Variants in GABRG3 observed in about 807,000 individuals in gnomAD.
GABRG3 encodes gamma-aminobutyric acid receptor subunit gamma-3.
A neutral mutation model predicts 48.8 loss-of-function variants in GABRG3; 25 were observed. The ratio of observed to expected loss-of-function variants is 0.51; its 90% CI spans 0.37 to 0.72. GABRG3 has a LOEUF of 0.72. GABRG3 is among the 30% of genes least tolerant of loss of function. The probability of loss-of-function intolerance (pLI) is 0.00; values close to 1 mark genes in which losing one functional copy is unlikely to be tolerated. For missense variants in GABRG3, 394 were observed against 577.9 expected (o/e 0.68, Z 3.26); for synonymous variants, 227 against 217.6 (o/e 1.04, Z -0.38).
chr15:26,980,628 G>A (rs1895034949), intron 2 of GABRG3, among the ~76,000 whole-genome samples: 1 of 148,922 alleles, frequency 6.7e-6, no homozygotes, highest in African/African-American at 2.5e-5. Context: ...GCAGTGAGCT[G>A]AGATGGCGCC....
intron 3 of GABRG3, among the ~76,000 whole-genome samples, chr15:27,125,322 G>A (rs1433656825): frequency 6.6e-6 from 1 of 151,986 alleles, no homozygotes; most frequent in Non-Finnish European, 1.5e-5. Flanking sequence ...GCAGAGAGGA[G>A]AATAGAGGTT....
chr15:27,517,938 A>G (rs1024425555), intron 6 of GABRG3, among the ~76,000 whole-genome samples: 3 of 152,154 alleles, frequency 2.0e-5, no homozygotes, highest in Non-Finnish European at 4.4e-5. Flanking sequence ...TGATGTTTCT[A>G]TCAACAACTC....
At chr15:27,163,913 A>G (rs577101635) in intron 3 of GABRG3, among the ~76,000 whole-genome samples, 2 of 152,298 alleles carry the variant, frequency 1.3e-5, no homozygotes. Context: ...AGGGGCTGTG[A>G]GAGCCTGTGA....
At chr15:27,240,825 A>G (rs1343107436) in intron 3 of GABRG3, among the ~76,000 whole-genome samples, 1 of 152,226 alleles carries the variant, frequency 6.6e-6, no homozygotes, top group Non-Finnish European at 1.5e-5. Flanking sequence ...TCAACACTTA[A>G]CTGAACGTGA....
intron 2 of GABRG3, among the ~76,000 whole-genome samples, chr15:26,991,306 T>C (rs1895243418): frequency 6.6e-6 from 1 of 152,212 alleles, no homozygotes; most frequent in Non-Finnish European, 1.5e-5. Context: ...ACTGCCATGC[T>C]GTTTTTGTTA....
At chr15:27,321,470 A>C (rs1893423714) in intron 3 of GABRG3, among the ~76,000 whole-genome samples, 3 of 152,220 alleles carry the variant, frequency 2.0e-5, no homozygotes, top group Non-Finnish European at 4.4e-5. Context: ...AAACAAAAAA[A>C]CATATATTTG....
At chr15:27,464,090 T>C (rs537522623) in intron 5 of GABRG3, among the ~76,000 whole-genome samples, 11 of 152,284 alleles carry the variant, frequency 7.2e-5, no homozygotes, top group African/African-American at 2.6e-4. Flanking sequence ...GACTGCTTTA[T>C]TGAGATATAT....
chr15:27,397,801 A>ATT (rs1566823235), intron 5 of GABRG3, among the ~76,000 whole-genome samples: 6 of 138,420 alleles, frequency 4.3e-5, no homozygotes, highest in Admixed American at 8.5e-5. Flanking sequence ...TTCTCTGAAA[A>ATT]ATTTTTTTTT....
intron 5 of GABRG3, among the ~76,000 whole-genome samples, chr15:27,376,772 G>A (rs1895611367): frequency 6.6e-6 from 1 of 152,154 alleles, no homozygotes; most frequent in Non-Finnish European, 1.5e-5. Context: ...TATCATGGGA[G>A]GGGCTGTTTC....
chr15:27,002,948 G>C (rs1895481314), intron 2 of GABRG3, among the ~76,000 whole-genome samples: 1 of 151,630 alleles, frequency 6.6e-6, no homozygotes, highest in Non-Finnish European at 1.5e-5. Flanking sequence ...CTGGGTAACA[G>C]AATGAGACCC....
intron 3 of GABRG3, among the ~76,000 whole-genome samples, chr15:27,191,624 G>A (rs1467330283): frequency 6.6e-6 from 1 of 152,112 alleles, no homozygotes; most frequent in Non-Finnish European, 1.5e-5. Context: ...GTCTCTGCAT[G>A]TGAGATGGGT....
chr15:27,086,076 C>T (rs1321847490), intron 3 of GABRG3, among the ~76,000 whole-genome samples: 3 of 150,502 alleles, frequency 2.0e-5, no homozygotes, highest in Non-Finnish European at 1.5e-5. Context: ...TTAAATATTA[C>T]ATACAGTTTA....
intron 3 of GABRG3, among the ~76,000 whole-genome samples, chr15:27,052,240 G>A (rs1029868386): frequency 1.3e-5 from 2 of 152,166 alleles, no homozygotes; most frequent in Non-Finnish European, 2.9e-5. Context: ...GTCTGTCTTT[G>A]TCTCTTGAGA....
intron 5 of GABRG3, among the ~76,000 whole-genome samples, chr15:27,444,448 T>G (rs924480255): frequency 6.6e-6 from 1 of 152,186 alleles, no homozygotes; most frequent in African/African-American, 2.4e-5. Context: ...TGGGTACACA[T>G]GCTTTATTTT....
At chr15:27,462,362 A>G (rs1889477162) in intron 5 of GABRG3, among the ~76,000 whole-genome samples, 1 of 152,218 alleles carries the variant, frequency 6.6e-6, no homozygotes, top group African/African-American at 2.4e-5. Context: ...ATGGAAACAG[A>G]GCAAAACCAA....
intron 6 of GABRG3, among the ~76,000 whole-genome samples, chr15:27,499,640 A>G (rs539964208): frequency 6.6e-6 from 1 of 152,374 alleles, no homozygotes; most frequent in Non-Finnish European, 1.5e-5. Context: ...AAGGAATTCA[A>G]TACAAATCAT....
At chr15:27,263,083 C>T (rs1890814199) in intron 3 of GABRG3, among the ~76,000 whole-genome samples, 1 of 152,174 alleles carries the variant, frequency 6.6e-6, no homozygotes, top group African/African-American at 2.4e-5. Context: ...AGGTCAATGC[C>T]AGGGGCTGTC....
intron 2 of GABRG3, among the ~76,000 whole-genome samples, chr15:27,023,544 A>G (rs1432124): frequency 0.21 from 31,910 of 152,192 alleles, 3,882 homozygotes; most frequent in East Asian, 0.36. Flanking sequence ...GAAGGCTTAT[A>G]TAAGTGGAAT....
rs1891681248 is a variant in GABRG3 at position 27,288,233 on chromosome 15, A to G, written c.271-38576A>G. 1.3e-5 allele frequency among the ~76,000 whole-genome samples: 2 copies of G among 151,810 alleles called. 1 individual carries two copies. The highest frequency in any genetic ancestry group is 4.2e-4 in the South Asian group (2 of 4,808). ...GCACCAGGAACCCATTTTGTGGAAG[A>G]CAGTTTTTCCACAGACCAGGGGGCA... On this transcript the variant is annotated intron_variant, in intron 3 of 9. Coordinates refer to ENST00000615808, the MANE Select transcript of GABRG3 (RefSeq NM_033223.5).
Sources: allele counts gnomAD v4.1 joint callset (sites outside exome capture counted in the v4.1 genomes callset), GRCh38; gene constraint gnomAD v4.1.1; transcripts MANE v1.5; gene names NCBI Gene and HGNC (gene_info 2026-07-23, HGNC 2026-07-21).